Variants in FAM110B observed in about 807,000 individuals in gnomAD.
FAM110B encodes protein FAM110B.
A neutral mutation model predicts 20.4 loss-of-function variants in FAM110B; 6 were observed. The ratio of observed to expected loss-of-function variants is 0.29; its 90% CI spans 0.16 to 0.58. FAM110B has a LOEUF of 0.58. FAM110B is among the 20% of genes least tolerant of loss of function. The pLI is 0.90. For synonymous variants in FAM110B, 226 were observed against 214.1 expected (o/e 1.06, Z -0.49); for missense variants, 434 against 498.2 (o/e 0.87, Z 1.23).
chr8:58,067,618 C>T (rs1805800690), intron 2 of FAM110B, among the ~76,000 whole-genome samples: 1 of 152,228 alleles, frequency 6.6e-6, no homozygotes, highest in African/African-American at 2.4e-5. Context: ...TGCTGAGCTG[C>T]AGTTTACCTG....
intron 2 of FAM110B, among the ~76,000 whole-genome samples, chr8:58,074,732 G>C (rs1805990804): frequency 6.6e-6 from 1 of 152,042 alleles, no homozygotes; most frequent in African/African-American, 2.4e-5. Context: ...GGTGCTCCTG[G>C]GGCAATCAAG....
chr8:58,002,092 A>G (rs1419444959), intron 1 of FAM110B, among the ~76,000 whole-genome samples: 1 of 152,106 alleles, frequency 6.6e-6, no homozygotes, highest in African/African-American at 2.4e-5. Context: ...TTTTTGTTCC[A>G]TTTGGGCCTT....
chr8:58,048,042 C>T (rs539736166), intron 2 of FAM110B, among the ~76,000 whole-genome samples: 9 of 152,250 alleles, frequency 5.9e-5, no homozygotes, highest in African/African-American at 1.9e-4. Context: ...AGTGTTGATT[C>T]TAAATACTTC....
chr8:58,033,868 T>C (rs922101661), intron 2 of FAM110B, among the ~76,000 whole-genome samples: 2 of 152,206 alleles, frequency 1.3e-5, no homozygotes, highest in African/African-American at 4.8e-5. Context: ...TACCCTGGCT[T>C]CCTGCCTCCC....
chr8:58,133,523 AGGATG>A (rs1387018900), intron 3 of FAM110B, among the ~76,000 whole-genome samples: 5 of 152,230 alleles, frequency 3.3e-5, no homozygotes, highest in Admixed American at 6.5e-5. Flanking sequence ...CCCAGGAGGA[AGGATG>A]GGACTCAGAG....
intron 3 of FAM110B, among the ~76,000 whole-genome samples, chr8:58,126,515 C>T (rs1807508932): frequency 6.6e-6 from 1 of 152,150 alleles, no homozygotes; most frequent in East Asian, 1.9e-4. Flanking sequence ...TTCCTACTAT[C>T]AAGGCATATA....
At chr8:58,093,366 G>A (rs774244053) in intron 3 of FAM110B, among the ~76,000 whole-genome samples, 10 of 152,052 alleles carry the variant, frequency 6.6e-5, no homozygotes, top group Non-Finnish European at 1.2e-4. Flanking sequence ...TTTCTTCTAG[G>A]GTTTTTATGG....
At chr8:58,056,383 A>G (rs886674169) in intron 2 of FAM110B, among the ~76,000 whole-genome samples, 1 of 152,190 alleles carries the variant, frequency 6.6e-6, no homozygotes, top group Non-Finnish European at 1.5e-5. Context: ...GTGCCATTTC[A>G]ATTTCTTCAG....
intron 3 of FAM110B, among the ~76,000 whole-genome samples, chr8:58,105,895 G>A (rs1193334024): frequency 6.6e-6 from 1 of 152,016 alleles, no homozygotes; most frequent in Non-Finnish European, 1.5e-5. Flanking sequence ...AAAAGGATAG[G>A]TGATTTATTT....
intron 3 of FAM110B, among the ~76,000 whole-genome samples, chr8:58,082,011 C>T (rs894817811): frequency 3.3e-5 from 5 of 152,106 alleles, no homozygotes; most frequent in Non-Finnish European, 1.5e-5. Flanking sequence ...AGAACCTAGG[C>T]TCTTAGATGC....
intron 3 of FAM110B, among the ~76,000 whole-genome samples, chr8:58,135,927 T>C (rs1803600206): frequency 6.6e-6 from 1 of 152,066 alleles, no homozygotes; most frequent in South Asian, 2.1e-4. Flanking sequence ...GAGTTGTTAT[T>C]ACTGCTGGAA....
At chr8:58,091,890 C>T (rs1585878561) in intron 3 of FAM110B, among the ~76,000 whole-genome samples, 2 of 152,114 alleles carry the variant, frequency 1.3e-5, no homozygotes, top group African/African-American at 2.4e-5. Flanking sequence ...GTTCCAGGAA[C>T]GTTAACTCCA....
intron 3 of FAM110B, among the ~76,000 whole-genome samples, chr8:58,119,990 C>T (rs1807316147): frequency 6.6e-6 from 1 of 152,282 alleles, no homozygotes; most frequent in Admixed American, 6.5e-5. Flanking sequence ...AAGCCAAGGT[C>T]GGTCCGACTT....
intron 2 of FAM110B, among the ~76,000 whole-genome samples, chr8:58,059,152 G>A (rs1290870081): frequency 6.6e-6 from 1 of 152,188 alleles, no homozygotes; most frequent in Non-Finnish European, 1.5e-5. Flanking sequence ...AATATCCATT[G>A]TCTGGCTATA....
At chr8:58,023,776 GACA>G (rs959081083) in intron 1 of FAM110B, among the ~76,000 whole-genome samples, 4 of 152,172 alleles carry the variant, frequency 2.6e-5, no homozygotes, top group African/African-American at 4.8e-5. Context: ...CGTGGAAAAT[GACA>G]ACATTATTAA....
At chr8:58,073,430 G>A (rs1805953566) in intron 2 of FAM110B, among the ~76,000 whole-genome samples, 1 of 152,140 alleles carries the variant, frequency 6.6e-6, no homozygotes, top group Non-Finnish European at 1.5e-5. Flanking sequence ...TCACAACTCA[G>A]CATTAAGTTG....
chr8:58,074,863 T>C (rs781260976), intron 2 of FAM110B, among the ~76,000 whole-genome samples: 4 of 152,090 alleles, frequency 2.6e-5, no homozygotes, highest in Non-Finnish European at 4.4e-5. Context: ...TAAACTCTTA[T>C]CACTCTTTCA....
At chr8:58,092,508 T>C (rs1326735308) in intron 3 of FAM110B, among the ~76,000 whole-genome samples, 1 of 152,198 alleles carries the variant, frequency 6.6e-6, no homozygotes, top group African/African-American at 2.4e-5. Flanking sequence ...TGGTTTTCTG[T>C]TTTTGTGTTA....
At chr8:58,127,100 C>T (rs990866955) in intron 3 of FAM110B, among the ~76,000 whole-genome samples, 3 of 152,122 alleles carry the variant, frequency 2.0e-5, no homozygotes, top group African/African-American at 7.2e-5. Context: ...ATGAGGTCAA[C>T]GTTTATATTT....
Sources: allele counts gnomAD v4.1 joint callset (sites outside exome capture counted in the v4.1 genomes callset), GRCh38; gene constraint gnomAD v4.1.1; transcripts MANE v1.5; gene names NCBI Gene and HGNC (gene_info 2026-07-23, HGNC 2026-07-21).